NXPE2: variants seen among roughly 807,000 people sequenced by gnomAD.
NXPE2 encodes the protein NXPE family member 2.
Under a neutral mutation model 34.4 loss-of-function variants are expected in NXPE2, and 34 were observed. That is an observed-to-expected ratio of 0.99 (90% CI 0.75 to 1.31). The LOEUF (loss-of-function observed/expected upper bound fraction) is 1.31. Ranked by LOEUF, NXPE2 falls within the 40% of genes most tolerant of loss-of-function variation. NXPE2 has a pLI of 0.00. For missense variants in NXPE2, 649 were observed against 672.5 expected (o/e 0.97, Z 0.39); for synonymous variants, 235 against 231.3 (o/e 1.02, Z -0.15).
At chr11:114,637,394 T>A in the NXPE2 span, among the ~76,000 whole-genome samples, 1 of 151,954 alleles carries the variant, frequency 6.6e-6, no homozygotes, top group Non-Finnish European at 1.5e-5. Flanking sequence ...TACAGCACAC[T>A]AATGGGTCTT....
At chr11:114,636,863 G>A in the NXPE2 span, among the ~76,000 whole-genome samples, 1 of 152,100 alleles carries the variant, frequency 6.6e-6, no homozygotes, top group East Asian at 1.9e-4. Flanking sequence ...TACATTTTCT[G>A]AGGAGAGGTT....
the NXPE2 span, among the ~76,000 whole-genome samples, chr11:114,789,664 C>T: frequency 6.6e-6 from 1 of 152,158 alleles, no homozygotes; most frequent in Non-Finnish European, 1.5e-5. Flanking sequence ...GGTTAGTTGG[C>T]TCAGAAAGGC....
the NXPE2 span, among the ~76,000 whole-genome samples, chr11:114,536,450 A>G: frequency 6.6e-6 from 1 of 152,138 alleles, no homozygotes; most frequent in Non-Finnish European, 1.5e-5. Flanking sequence ...GACTGAAGGA[A>G]ATAGAGACAA....
the NXPE2 span, among the ~76,000 whole-genome samples, chr11:114,667,375 G>A: frequency 1.3e-5 from 2 of 152,064 alleles, no homozygotes; most frequent in African/African-American, 4.8e-5. Flanking sequence ...TAATTCTGAA[G>A]TAATAGACTT....
the NXPE2 span, among the ~76,000 whole-genome samples, chr11:114,611,312 G>T: frequency 1.7e-4 from 26 of 150,886 alleles, 1 homozygote; most frequent in Admixed American, 1.7e-3. Context: ...GGTAATCACT[G>T]TTACCCAGTG....
chr11:114,608,330 G>A, the NXPE2 span, among the ~76,000 whole-genome samples: 4 of 151,904 alleles, frequency 2.6e-5, no homozygotes, highest in African/African-American at 9.7e-5. Flanking sequence ...GTTACTTGCT[G>A]GATAATAAGT....
At chr11:114,784,485 C>A in the NXPE2 span, among the ~76,000 whole-genome samples, 1 of 152,178 alleles carries the variant, frequency 6.6e-6, no homozygotes, top group African/African-American at 2.4e-5. Flanking sequence ...CAATGGAAAT[C>A]CAGGGAGCAA....
the NXPE2 span, among the ~76,000 whole-genome samples, chr11:114,647,368 C>T: frequency 6.6e-6 from 1 of 152,170 alleles, no homozygotes; most frequent in South Asian, 2.1e-4. Flanking sequence ...TCTAGAACAA[C>T]TTATATAAGA....
the NXPE2 span, chr11:114,530,576 G>A: frequency 1.2e-5 from 19 of 1,613,846 alleles, no homozygotes; most frequent in African/African-American, 2.3e-4. Context: ...GTGCTGGGGA[G>A]GACATCCTGG....
the NXPE2 span, among the ~76,000 whole-genome samples, chr11:114,791,782 C>T: frequency 2.6e-4 from 39 of 152,178 alleles, no homozygotes; most frequent in Non-Finnish European, 4.7e-4. Context: ...AGATGTCAGG[C>T]GCGGTGGCTC....
At chr11:114,665,503 G>A in the NXPE2 span, among the ~76,000 whole-genome samples, 9 of 152,272 alleles carry the variant, frequency 5.9e-5, no homozygotes, top group African/African-American at 2.2e-4. Flanking sequence ...AGTTTGAAAA[G>A]CCTGAGGTTC....
the NXPE2 span, among the ~76,000 whole-genome samples, chr11:114,565,531 A>G: frequency 6.6e-6 from 1 of 152,216 alleles, no homozygotes; most frequent in Non-Finnish European, 1.5e-5. Flanking sequence ...TAAAAATAAT[A>G]TATACAACTA....
At chr11:114,500,803 G>C in the NXPE2 span, among the ~76,000 whole-genome samples, 2 of 152,144 alleles carry the variant, frequency 1.3e-5, no homozygotes, top group Non-Finnish European at 2.9e-5. Context: ...TGGTATGAAG[G>C]AGAGGTCAGG....
At chr11:114,669,991 GC>G in the NXPE2 span, among the ~76,000 whole-genome samples, 2 of 151,984 alleles carry the variant, frequency 1.3e-5, no homozygotes, top group Admixed American at 1.3e-4. Context: ...ACAGTAACAA[GC>G]AAAACCATAA....
chr11:114,725,976 A>AATATATATATATATATATATAT, the NXPE2 span, among the ~76,000 whole-genome samples: 1 of 101,766 alleles, frequency 9.8e-6, no homozygotes, highest in Non-Finnish European at 2.1e-5. Flanking sequence ...ATAAAAAAAA[A>AATATATATATATATATATATAT]ATATATATAT....
At chr11:114,796,613 G>A in the NXPE2 span, among the ~76,000 whole-genome samples, 1 of 152,174 alleles carries the variant, frequency 6.6e-6, no homozygotes, top group Admixed American at 6.5e-5. Context: ...TACAATTTCT[G>A]TTGATTTACT....
At chr11:114,581,784 G>T in the NXPE2 span, 1 of 1,603,240 alleles carries the variant, frequency 6.2e-7, no homozygotes, top group Non-Finnish European at 8.5e-7. Context: ...ACCCACATTT[G>T]ACCTTAAAGA....
the NXPE2 span, among the ~76,000 whole-genome samples, chr11:114,733,621 C>T: frequency 2.0e-5 from 3 of 152,098 alleles, no homozygotes; most frequent in African/African-American, 7.2e-5. Flanking sequence ...TTTCTTGCCC[C>T]AATACTTGTG....
chr11:114,565,446 C>G, the NXPE2 span, among the ~76,000 whole-genome samples: 2 of 152,142 alleles, frequency 1.3e-5, no homozygotes, highest in Non-Finnish European at 2.9e-5. Flanking sequence ...CCTGATGCTG[C>G]GAACAAGGCA....
Sources: allele counts gnomAD v4.1 joint callset (sites outside exome capture counted in the v4.1 genomes callset), GRCh38; gene constraint gnomAD v4.1.1; transcripts MANE v1.5; gene names NCBI Gene and HGNC (gene_info 2026-07-23, HGNC 2026-07-21).